ZNF503: variants seen among roughly 807,000 people sequenced by gnomAD.
ZNF503 encodes the protein NocA-like zinc finger 2.
In ZNF503, 15 loss-of-function variants were observed where a neutral mutation model predicts 34.4. The observed-to-expected ratio is 0.44, with a 90% CI of 0.29 to 0.67. ZNF503 has a LOEUF of 0.67. ZNF503 is among the 30% of genes least tolerant of loss of function. ZNF503 has a pLI of 0.13. For missense variants in ZNF503, 1,007 were observed against 926.8 expected, an observed-to-expected ratio of 1.09 and a Z score of -1.12; for synonymous variants, 580 against 456.8, an observed-to-expected ratio of 1.27 and a Z score of -3.44.
the ZNF503 span, among the ~76,000 whole-genome samples, chr10:75,364,106 G>A: frequency 1.7e-3 from 253 of 152,264 alleles, 1 homozygote; most frequent in Non-Finnish European, 3.2e-3. Flanking sequence ...TTATCTTACA[G>A]GTGGGTCAAT....
At chr10:75,324,299 G>C in the ZNF503 span, among the ~76,000 whole-genome samples, 4 of 149,576 alleles carry the variant, frequency 2.7e-5, no homozygotes, top group African/African-American at 9.8e-5. Flanking sequence ...TTAGGTGTAT[G>C]ATCCTTTTTT....
the ZNF503 span, among the ~76,000 whole-genome samples, chr10:75,295,156 C>T: frequency 6.6e-6 from 1 of 151,746 alleles, no homozygotes; most frequent in Non-Finnish European, 1.5e-5. This position sits in a 1 kb window ranked among gnomAD's most constrained non-coding sequence, Gnocchi z 4.0. Flanking sequence ...CCTGTCACGC[C>T]GGGCCCGCGA....
the ZNF503 span, among the ~76,000 whole-genome samples, chr10:75,383,534 G>A: frequency 6.6e-6 from 1 of 152,140 alleles, no homozygotes; most frequent in Non-Finnish European, 1.5e-5. Context: ...CCTGAGCTCT[G>A]TGGGCCGCCC....
chr10:75,347,976 C>G, the ZNF503 span, among the ~76,000 whole-genome samples: 3 of 152,160 alleles, frequency 2.0e-5, no homozygotes, highest in Non-Finnish European at 2.9e-5. Context: ...CTCCACCTCC[C>G]GGGTTCAAGT....
the ZNF503 span, among the ~76,000 whole-genome samples, chr10:75,285,390 G>T: frequency 1.3e-5 from 2 of 152,192 alleles, no homozygotes; most frequent in Non-Finnish European, 2.9e-5. Flanking sequence ...AATGACATTG[G>T]TGCCTTGGTC....
chr10:75,398,864 G>T lies in ZNF503; in HGVS notation c.1826C>A (p.Pro609Gln), dbSNP rs371070869. ...SSRYHPYSKS[P>Q]LPTPGAPVPV... ...CACGGGGGCGCCAGGCGTGGGAAGC[G>T]GGCTCTTGGAGTAGGGGTGGTAGCG... Residue 609 changes from proline to glutamine, a missense_variant, in exon 2 of 2, where the codon CCG becomes CAG. Pro to Gln is a moderately conservative substitution (Grantham distance 76). Transcript: ENST00000372524. The T allele has an allele frequency of 6.6e-7, 1 of 1,512,836 alleles. No homozygotes were observed. Among genetic ancestry groups the T allele is most frequent in the East Asian group, 2.3e-5 (1 of 43,236 alleles). 93.7% of individuals were successfully genotyped at this position (1,512,836 alleles called of 1,614,324 possible). A position where few individuals can be genotyped will look rare whatever the true frequency, so the allele number is the denominator to read the frequency against.
At chr10:75,326,711 TCAGA>T in the ZNF503 span, among the ~76,000 whole-genome samples, 1 of 152,138 alleles carries the variant, frequency 6.6e-6, no homozygotes, top group Non-Finnish European at 1.5e-5. Context: ...GATTTTTTTT[TCAGA>T]CAAAGTCTCG....
chr10:75,395,212 G>A (rs1220111511), downstream of ZNF503, among the ~76,000 whole-genome samples: 1 of 152,242 alleles, frequency 6.6e-6, no homozygotes, highest in African/African-American at 2.4e-5. The surrounding 1 kb of genome is among the most constrained non-coding windows in gnomAD (Gnocchi z 4.4). Flanking sequence ...GAGCTCCCCA[G>A]GTTGGGAAGG....
At chr10:75,310,117 G>A in the ZNF503 span, among the ~76,000 whole-genome samples, 1 of 152,282 alleles carries the variant, frequency 6.6e-6, no homozygotes, top group African/African-American at 2.4e-5. Flanking sequence ...AGAGCATTTT[G>A]TACTTTAGAT....
At chr10:75,374,844 C>A in the ZNF503 span, among the ~76,000 whole-genome samples, 45 of 152,148 alleles carry the variant, frequency 3.0e-4, no homozygotes, top group African/African-American at 1.0e-3. Context: ...ACTAGTGAAA[C>A]CAGGGAAAAT....
At chr10:75,344,447 G>A in the ZNF503 span, among the ~76,000 whole-genome samples, 1 of 152,208 alleles carries the variant, frequency 6.6e-6, no homozygotes, top group Non-Finnish European at 1.5e-5. Flanking sequence ...CCTTCAGCCT[G>A]GCTCTAGGAA....
the ZNF503 span, among the ~76,000 whole-genome samples, chr10:75,348,447 C>T: frequency 1.3e-5 from 2 of 151,320 alleles, no homozygotes; most frequent in Non-Finnish European, 2.9e-5. Flanking sequence ...ATCTGCCCAC[C>T]TCGGTCTCCC....
chr10:75,357,552 C>G, the ZNF503 span, among the ~76,000 whole-genome samples: 1 of 152,044 alleles, frequency 6.6e-6, no homozygotes, highest in East Asian at 1.9e-4. Flanking sequence ...CAATAATAAC[C>G]AATATATATC....
At chr10:75,360,361 C>T in the ZNF503 span, among the ~76,000 whole-genome samples, 14 of 152,180 alleles carry the variant, frequency 9.2e-5, no homozygotes, top group South Asian at 4.2e-4. Flanking sequence ...CTCTTGACCT[C>T]GTGATCCACC....
the ZNF503 span, among the ~76,000 whole-genome samples, chr10:75,301,459 TCA>T: frequency 6.6e-6 from 1 of 152,164 alleles, no homozygotes. Context: ...CAGGTTGGTC[TCA>T]GACTCCTGAG....
chr10:75,347,068 A>G, the ZNF503 span, among the ~76,000 whole-genome samples: 1 of 152,168 alleles, frequency 6.6e-6, no homozygotes, highest in Non-Finnish European at 1.5e-5. Context: ...TTTTTAAAAT[A>G]TTATCTGCCT....
chr10:75,313,555 G>A, the ZNF503 span, among the ~76,000 whole-genome samples: 1 of 152,196 alleles, frequency 6.6e-6, no homozygotes, highest in African/African-American at 2.4e-5. Context: ...GCAGAGGCTA[G>A]GAATAGGAAG....
chr10:75,310,478 G>C, the ZNF503 span, among the ~76,000 whole-genome samples: 1 of 152,254 alleles, frequency 6.6e-6, no homozygotes, highest in African/African-American at 2.4e-5. Context: ...GAAACTTTCA[G>C]ACAATAATCA....
At chr10:75,288,002 G>A in the ZNF503 span, among the ~76,000 whole-genome samples, 1 of 152,188 alleles carries the variant, frequency 6.6e-6, no homozygotes, top group Admixed American at 6.5e-5. Flanking sequence ...GAGATGCACG[G>A]CTGAGCGAGG....
Sources: allele counts gnomAD v4.1 joint callset (sites outside exome capture counted in the v4.1 genomes callset), GRCh38; gene constraint gnomAD v4.1.1; non-coding constraint Gnocchi (gnomAD v3.1); transcripts MANE v1.5; gene names NCBI Gene and HGNC (gene_info 2026-07-23, HGNC 2026-07-21).